The following XPC variants were observed in gnomAD, a reference collection of about 807,000 sequenced individuals.
XPC encodes DNA repair protein complementing XP-C cells.
XPC carries 76 observed loss-of-function variants against 95.8 expected under a neutral mutation model. That is an observed-to-expected ratio of 0.79 (90% CI 0.66 to 0.96). XPC has a LOEUF of 0.96. Ranked by LOEUF, XPC falls within the 40% of genes least tolerant of loss-of-function variation. The pLI is 0.00. For synonymous variants in XPC, 442 were observed against 442.1 expected (o/e 1.00, Z 0.00); for missense variants, 1,146 against 1,179.8 (o/e 0.97, Z 0.42).
chr3:14,177,882 T>C (rs1487414995), intron 1 of XPC, among the ~76,000 whole-genome samples: 1 of 152,164 alleles, frequency 6.6e-6, no homozygotes, highest in South Asian at 2.1e-4. Context: ...CTGACTGGAC[T>C]TGCTGACGGA....
rs184879571 is a variant in XPC, at chr3:14,164,841, G to C, written c.872C>G (p.Ser291Cys). The stretch of plus-strand genomic sequence containing the variant: ...GACCAATTCCTCATCATCTCGAGCA[G>C]AGTAAATAGCAAATCTCCTTTCCAA... ...TTLERRFAIYSARDDEELVHI... is the reference protein window; with the variant it reads ...TTLERRFAIYCARDDEELVHI... The change falls in exon 7 of 16, where the codon TCT becomes TGT. Residue 291 changes from serine to cysteine, a missense_variant. Physicochemically the swap from Ser to Cys is moderately radical, Grantham distance 112. Transcript: ENST00000285021. 1.8e-3 allele frequency: 2,893 copies of C among 1,613,562 alleles called. 25 individuals are homozygous for C. Among genetic ancestry groups the C allele is most frequent in the Admixed American group, 8.0e-4 (48 of 59,984 alleles).
At chr3:14,174,109 T>A in intron 1 of XPC, among the ~76,000 whole-genome samples, 1 of 152,216 alleles carries the variant, frequency 6.6e-6, no homozygotes. Context: ...ATAAAATTCA[T>A]AACAAAGGAG....
At chr3:14,167,826 C>T (rs1318998698) in intron 4 of XPC, among the ~76,000 whole-genome samples, 1 of 152,164 alleles carries the variant, frequency 6.6e-6, no homozygotes, top group Non-Finnish European at 1.5e-5. Flanking sequence ...TAGGGGCTCC[C>T]TACCACGGCG....
intron 8 of XPC, among the ~76,000 whole-genome samples, chr3:14,159,368 T>C (rs1696074809): frequency 6.6e-6 from 1 of 152,084 alleles, no homozygotes; most frequent in South Asian, 2.1e-4. Context: ...CTTCAGACAA[T>C]GCCAATACCC....
chr3:14,162,669 A>G (rs986093687), intron 7 of XPC, among the ~76,000 whole-genome samples: 1 of 152,250 alleles, frequency 6.6e-6, no homozygotes, highest in Non-Finnish European at 1.5e-5. Flanking sequence ...AATCTCTTAC[A>G]AGAAAACACA....
At chr3:14,165,300 G>T in intron 6 of XPC, 128 bp downstream of exon 6, 2 of 1,270,248 alleles carry the variant, frequency 1.6e-6, no homozygotes, top group Non-Finnish European at 2.1e-6. Context: ...TATCTTCAAT[G>T]CCATGCCCAC....
chr3:14,146,130 T>G lies in XPC; in HGVS notation c.2634A>C (p.Ala878=), dbSNP rs758341628. 9 of 1,610,644 alleles carry G rather than the reference T, an allele frequency of 5.6e-6. No homozygotes were observed. The East Asian group carries it at 1.8e-4, about 32-fold the overall frequency. ...CTTCATCAGAAGAGAGTCCACCTCC[T>G]GCATCTGTGTGGGGAGCTGCTGCCT... ...KSEAAAPHTD[A]GGGLSSDEEE... is the part of the protein sequence containing the mutation. The change falls in exon 16 of 16, where the codon GCA becomes GCC. Residue 878 remains alanine (A), a synonymous_variant. Coordinates refer to ENST00000285021, the MANE Select transcript of XPC (RefSeq NM_004628.5).
chr3:14,158,701 G>C lies in XPC; in HGVS notation c.1182C>G (p.Ser394Arg), dbSNP rs1317283445. ...KRNKGGRKKR[S>R]KPSSSEEDEG... ...CATCTTCCTCGCTGGAGGAGGGCTT[G>C]CTCCGTTTCTTTCTGCCTCCCTTGT... Residue 394 changes from serine to arginine, a missense_variant, in exon 9 of 16, where the codon AGC (serine) becomes AGG (arginine). Coordinates refer to ENST00000285021, the MANE Select transcript of XPC (RefSeq NM_004628.5). This position sits in a 1 kb window ranked among gnomAD's most constrained non-coding sequence, Gnocchi z 5.2. The C allele has an allele frequency of 1.2e-6, 2 of 1,613,846 alleles. No individual in the cohort carries two copies. Among genetic ancestry groups the C allele is most frequent in the African/African-American group, 2.7e-5 (2 of 74,982 alleles).
At chr3:14,147,451 CTG>C in intron 14 of XPC, 72 bp from the exon 15 acceptor site, 4 of 1,420,378 alleles carry the variant, frequency 2.8e-6, no homozygotes, top group Non-Finnish European at 2.9e-6. Flanking sequence ...AAGATGGAAA[CTG>C]TGAATGTAAA....
At chr3:14,174,459 C>T (rs1332038176) in intron 1 of XPC, among the ~76,000 whole-genome samples, 3 of 152,174 alleles carry the variant, frequency 2.0e-5, no homozygotes, top group Non-Finnish European at 4.4e-5. Context: ...TAGGAGGATA[C>T]TTCAGAGGCA....
chr3:14,178,301 G>T, intron 1 of XPC, 165 bp downstream of exon 1: 1 of 742,046 alleles, frequency 1.3e-6, no homozygotes, highest in South Asian at 2.1e-5. Context: ...CAAAGACGCG[G>T]GGACAGCGGG....
intron 10 of XPC, among the ~76,000 whole-genome samples, chr3:14,155,449 A>G (rs1695863148): frequency 6.6e-6 from 1 of 151,852 alleles, no homozygotes; most frequent in Admixed American, 6.6e-5. Flanking sequence ...ACATTTTTCA[A>G]TTTTAATTTT....
At position 14,146,116 on chromosome 3, in the gene XPC, G is replaced by A. The variant is rs1251268657; in HGVS notation, c.2648C>T (p.Ser883Phe). ...GCTGGTCCCCTCCTCTTCATCAGAA[G>A]AGAGTCCACCTCCTGCATCTGTGTG... ...APHTDAGGGL[S>F]SDEEEGTSSQ... The change falls in exon 16 of 16, where the codon TCT (serine) becomes TTT (phenylalanine). Residue 883 changes from serine to phenylalanine, a missense_variant. Ser to Phe is a radical substitution (Grantham distance 155). Coordinates refer to ENST00000285021, the MANE Select transcript of XPC (RefSeq NM_004628.5). The A allele has an allele frequency of 1.2e-6, 2 of 1,611,670 alleles. No individual in the cohort carries two copies. The highest frequency in any genetic ancestry group is 1.7e-6 in the Non-Finnish European group (2 of 1,179,380).
chr3:14,178,212 A>G lies in XPC; in HGVS notation c.103+254T>C. 4 of 519,932 alleles carry G rather than the reference A, an allele frequency of 7.7e-6. No homozygotes were observed. In the South Asian group the frequency reaches 1.1e-4, roughly 14 times the overall value. 32.2% of individuals were successfully genotyped at this position (519,932 alleles called of 1,614,324 possible). A position where few individuals can be genotyped will look rare whatever the true frequency, so the allele number is the denominator to read the frequency against. ...AACCCTGAACATCTGTATCCTCTGG[A>G]CAACGGGGAGCGGGAAAAAAGCTAC... On this transcript the variant is annotated intron_variant, in intron 1 of 15. Coordinates refer to ENST00000285021, the MANE Select transcript of XPC (RefSeq NM_004628.5).
At chr3:14,161,029 T>C (rs1414390602) in intron 7 of XPC, among the ~76,000 whole-genome samples, 3 of 152,188 alleles carry the variant, frequency 2.0e-5, no homozygotes, top group Non-Finnish European at 2.9e-5. Flanking sequence ...TCAATGTACA[T>C]TGCTGAGGAA....
chr3:14,170,947 ACT>A (rs2125043683), intron 2 of XPC, among the ~76,000 whole-genome samples: 1 of 152,326 alleles, frequency 6.6e-6, no homozygotes, highest in African/African-American at 2.4e-5. Flanking sequence ...TATATATCCT[ACT>A]ATAAGCCTAC....
At chr3:14,178,351 G>A in intron 1 of XPC, 115 bp downstream of exon 1, 19 of 1,247,294 alleles carry the variant, frequency 1.5e-5, no homozygotes, top group South Asian at 3.3e-5. Flanking sequence ...CCCACGGCGC[G>A]GAACGCGCGC....
intron 10 of XPC, among the ~76,000 whole-genome samples, chr3:14,155,707 C>T (rs1198160425): frequency 6.6e-6 from 1 of 152,096 alleles, no homozygotes; most frequent in Non-Finnish European, 1.5e-5. Flanking sequence ...TACAGGCACC[C>T]GCCACCACAC....
chr3:14,153,574 G>C (rs1333383201), intron 10 of XPC: 1 of 176,482 alleles, frequency 5.7e-6, no homozygotes, highest in African/African-American at 2.4e-5. Flanking sequence ...AGTGAACCTT[G>C]AGGACTTTAT....
Sources: allele counts gnomAD v4.1 joint callset (sites outside exome capture counted in the v4.1 genomes callset), GRCh38; gene constraint gnomAD v4.1.1; non-coding constraint Gnocchi (gnomAD v3.1); transcripts MANE v1.5; gene names NCBI Gene and HGNC (gene_info 2026-07-23, HGNC 2026-07-21).